The following RBFOX1 variants were observed in gnomAD, a reference collection of about 807,000 sequenced individuals.
RBFOX1 encodes the protein RNA binding fox-1 homolog 1.
A neutral mutation model predicts 57.7 loss-of-function variants in RBFOX1; 8 were observed. That is an observed-to-expected ratio of 0.14 (90% CI 0.08 to 0.25). RBFOX1 has a LOEUF of 0.25. Ranked by LOEUF, RBFOX1 falls within the 10% of genes least tolerant of loss-of-function variation. The probability of loss-of-function intolerance (pLI) is 1.00; values close to 1 mark genes in which losing one functional copy is unlikely to be tolerated. For missense variants in RBFOX1, 611 were observed against 548.5 expected (o/e 1.11, Z -1.14); for synonymous variants, 326 against 222.4 (o/e 1.47, Z -4.15).
chr16:5,665,198 A>G (rs1596653689), intron 3 of RBFOX1, among the ~76,000 whole-genome samples: 3 of 142,816 alleles, frequency 2.1e-5, no homozygotes, highest in Admixed American at 7.3e-5. Context: ...CGATCCTCCC[A>G]CCTTAGTCTT....
In RBFOX1 at chr16:7,136,701, G is replaced by C. The variant is rs556527960; in HGVS notation, c.27+84603G>C. ...CAAAGTGTTGGGATTACGGGTGTGA[G>C]TCACTTCACCTGGCCCCATCTAGGG... On this transcript the variant is annotated intron_variant, in intron 4 of 15. Transcript: ENST00000550418. Among the ~76,000 whole-genome samples, 8 of 152,246 alleles carry C rather than the reference G, an allele frequency of 5.3e-5. No homozygotes were observed. The South Asian group carries it at 8.3e-4, about 16-fold the overall frequency.
chr16:7,351,046 C>G (rs1044990094), intron 4 of RBFOX1, among the ~76,000 whole-genome samples: 1 of 152,232 alleles, frequency 6.6e-6, no homozygotes, highest in African/African-American at 2.4e-5. Context: ...TTTTCCATCA[C>G]AGGACAGTTC....
chr16:6,162,336 A>T (rs985562619), intron 1 of RBFOX1, among the ~76,000 whole-genome samples: 2 of 152,104 alleles, frequency 1.3e-5, no homozygotes, highest in African/African-American at 4.8e-5. Context: ...GCCAGTCTCA[A>T]ACTCCTGGCC....
chr16:7,678,712 T>G (rs969732607), intron 14 of RBFOX1, among the ~76,000 whole-genome samples: 8 of 152,194 alleles, frequency 5.3e-5, no homozygotes, highest in African/African-American at 1.9e-4. Flanking sequence ...TTTAATGCTA[T>G]TAGAATTACC....
At chr16:6,915,688 G>A (rs372715215) in intron 3 of RBFOX1, among the ~76,000 whole-genome samples, 1 of 151,542 alleles carries the variant, frequency 6.6e-6, no homozygotes, top group Non-Finnish European at 1.5e-5. Context: ...GTAGCTGTGA[G>A]TACAGGTGCG....
intron 2 of RBFOX1, among the ~76,000 whole-genome samples, chr16:5,559,595 T>A (rs7199734): frequency 0.22 from 33,286 of 152,178 alleles, 3,807 homozygotes; most frequent in South Asian, 0.35. Context: ...CTGGTTCCCC[T>A]GCCCTAAAGG....
At chr16:5,269,913 G>C (rs2062962341) in intron 1 of RBFOX1, among the ~76,000 whole-genome samples, 1 of 152,192 alleles carries the variant, frequency 6.6e-6, no homozygotes, top group Non-Finnish European at 1.5e-5. Context: ...CCAGTGCTTT[G>C]GGAGGCTGCG....
chr16:7,079,344 G>A (rs547494409), intron 4 of RBFOX1, among the ~76,000 whole-genome samples: 18 of 152,286 alleles, frequency 1.2e-4, no homozygotes, highest in African/African-American at 4.3e-4. Context: ...CCTAAAAGAA[G>A]GGGAGCAGAG....
chr16:7,647,624 G>GT (rs1334854802), intron 11 of RBFOX1, among the ~76,000 whole-genome samples: 1 of 151,774 alleles, frequency 6.6e-6, no homozygotes, highest in Non-Finnish European at 1.5e-5. Flanking sequence ...CCCTAACATT[G>GT]TTTTTTAATT....
At chr16:6,734,827 G>T (rs781722125) in intron 3 of RBFOX1, among the ~76,000 whole-genome samples, 10 of 152,136 alleles carry the variant, frequency 6.6e-5, no homozygotes, top group Admixed American at 2.0e-4. Flanking sequence ...GATGCATAAA[G>T]CAAAACAGGT....
chr16:6,880,875 G>A (rs546984739), intron 3 of RBFOX1, among the ~76,000 whole-genome samples: 1 of 152,222 alleles, frequency 6.6e-6, no homozygotes, highest in Admixed American at 6.5e-5. Context: ...TTATGTGGTT[G>A]ACAGAAATAA....
At chr16:5,822,082 T>C (rs1481071243) in intron 3 of RBFOX1, among the ~76,000 whole-genome samples, 1 of 152,238 alleles carries the variant, frequency 6.6e-6, no homozygotes, top group East Asian at 1.9e-4. Flanking sequence ...GGTTCCATGA[T>C]TTTGCTGTTG....
chr16:6,155,835 T>C (rs1488099750), intron 1 of RBFOX1, among the ~76,000 whole-genome samples: 1 of 152,196 alleles, frequency 6.6e-6, no homozygotes, highest in African/African-American at 2.4e-5. Context: ...GAACACACTT[T>C]ATTTTTCACT....
At chr16:6,636,912 A>G (rs1297872797) in intron 2 of RBFOX1, among the ~76,000 whole-genome samples, 3 of 125,294 alleles carry the variant, frequency 2.4e-5, no homozygotes, top group Non-Finnish European at 4.8e-5. Flanking sequence ...GTATAAACAT[A>G]TATGTATAAA....
At chr16:6,643,510 G>C (rs907808294) in intron 2 of RBFOX1, among the ~76,000 whole-genome samples, 1 of 152,140 alleles carries the variant, frequency 6.6e-6, no homozygotes, top group Non-Finnish European at 1.5e-5. Flanking sequence ...AGCATGATTT[G>C]AAATTTTTAC....
chr16:6,928,945 G>C (rs993184861), intron 3 of RBFOX1, among the ~76,000 whole-genome samples: 2 of 152,124 alleles, frequency 1.3e-5, no homozygotes, highest in Admixed American at 1.3e-4. Context: ...CCCCAAAGCA[G>C]ATGTCATCTC....
At position 6,337,284 on chromosome 16, in the gene RBFOX1, A is replaced by T. The variant is rs1004114490; in HGVS notation, c.-64+20227A>T. Among the ~76,000 whole-genome samples the T allele has an allele frequency of 2.0e-5, 3 of 152,306 alleles. No individual in the cohort carries two copies. In the East Asian group the frequency reaches 5.8e-4, roughly 29 times the overall value. ...CTTTAATGGTGCATTTAAAGTCGAC[A>T]TGCTGATGCCAAGTCTTTCTGTATT... is the stretch of plus-strand genomic sequence containing the variant. On this transcript the variant is annotated intron_variant, in intron 2 of 15. Transcript: ENST00000550418.
At chr16:6,145,657 C>T (rs990800691) in intron 1 of RBFOX1, among the ~76,000 whole-genome samples, 1 of 152,026 alleles carries the variant, frequency 6.6e-6, no homozygotes, top group Non-Finnish European at 1.5e-5. Context: ...TTGTTTTTAA[C>T]CTGAAAGAGG....
chr16:6,838,752 C>T (rs2093285248), intron 3 of RBFOX1, among the ~76,000 whole-genome samples: 1 of 152,164 alleles, frequency 6.6e-6, no homozygotes, highest in Admixed American at 6.5e-5. Flanking sequence ...TAGCATCCTC[C>T]AGGGGTCTCA....
Sources: gnomAD v4.1 joint callset for allele counts (sites outside exome capture counted in the v4.1 genomes callset) on GRCh38, gnomAD v4.1.1 for gene constraint, MANE v1.5 for transcripts, NCBI Gene and HGNC (gene_info 2026-07-23, HGNC 2026-07-21) for gene names.